The following STK32B variants were observed in gnomAD, a reference collection of about 807,000 sequenced individuals.
STK32B encodes the protein serine/threonine kinase 32B, also known as serine/threonine-protein kinase 32B.
In STK32B, 43 loss-of-function variants were observed where a neutral mutation model predicts 52.6. That is an observed-to-expected ratio of 0.82 (90% CI 0.64 to 1.05). The LOEUF (loss-of-function observed/expected upper bound fraction) is 1.05, where lower values mean the gene tolerates loss of function less well. Among genes scored for constraint, STK32B ranks in the 50% least tolerant of loss-of-function variants. The pLI is 0.00. For synonymous variants in STK32B, 238 were observed against 204.3 expected (o/e 1.17, Z -1.41); for missense variants, 621 against 534.6 (o/e 1.16, Z -1.59).
intron 7 of STK32B, among the ~76,000 whole-genome samples, chr4:5,456,475 G>A (rs905240855): frequency 2.0e-5 from 3 of 152,318 alleles, no homozygotes; most frequent in Middle Eastern, 3.4e-3. Flanking sequence ...GAGTCAGCCC[G>A]CAAGCCTGTG....
rs2108985587 is a variant in STK32B, at chr4:5,351,337, A to C, written c.434+19944A>C. Among the ~76,000 whole-genome samples the C allele has an allele frequency of 1.3e-5, 2 of 152,240 alleles. 1 individual carries two copies. Among genetic ancestry groups the C allele is most frequent in the African/African-American group, 4.8e-5 (2 of 41,576 alleles). ...TTTGGAAACTATACAAATGCATGGAAATTAAACAACATGCCCCTGAATAAC... is the reference window on the plus strand; with the variant it reads ...TTTGGAAACTATACAAATGCATGGACATTAAACAACATGCCCCTGAATAAC... On this transcript the variant is annotated intron_variant, in intron 4 of 11. Coordinates refer to ENST00000282908, the MANE Select transcript of STK32B (RefSeq NM_018401.3).
At chr4:5,258,357 T>C (rs1232397146) in intron 3 of STK32B, among the ~76,000 whole-genome samples, 14 of 152,150 alleles carry the variant, frequency 9.2e-5, no homozygotes, top group Non-Finnish European at 1.9e-4. Flanking sequence ...AATTATGAGA[T>C]TGAATGTCTG....
intron 3 of STK32B, among the ~76,000 whole-genome samples, chr4:5,262,543 TG>T (rs2108846459): frequency 6.8e-6 from 1 of 148,058 alleles, no homozygotes; most frequent in East Asian, 2.0e-4. Flanking sequence ...GAGAATGGCG[TG>T]AACCTGGGAG....
At chr4:5,339,313 T>C (rs1038390946) in intron 4 of STK32B, among the ~76,000 whole-genome samples, 1 of 152,206 alleles carries the variant, frequency 6.6e-6, no homozygotes, top group Non-Finnish European at 1.5e-5. Flanking sequence ...TATATTCTAT[T>C]TCTTTTGTTT....
rs77589836 is a variant in STK32B, at chr4:5,240,632, G to A, written c.260+72182G>A. Among the ~76,000 whole-genome samples, 1,486 of 152,104 alleles carry A rather than the reference G, an allele frequency of 9.8e-3. 29 individuals are homozygous for A. The highest frequency in any genetic ancestry group is 0.028 in the African/African-American group (1,150 of 41,478). ...GTACCACCGCACCCAGCTAATTTTT[G>A]TATTTTTAGGAGAGATGTGGTTTCA... is the stretch of plus-strand genomic sequence containing the variant. On this transcript the variant is annotated intron_variant, in intron 3 of 11. Coordinates refer to ENST00000282908, the MANE Select transcript of STK32B (RefSeq NM_018401.3).
At chr4:5,422,545 G>A (rs1712733056) in intron 6 of STK32B, among the ~76,000 whole-genome samples, 1 of 152,220 alleles carries the variant, frequency 6.6e-6, no homozygotes. Flanking sequence ...TCTAAAATGT[G>A]CCAGATTAGA....
At chr4:5,355,263 G>A (rs1259596319) in intron 4 of STK32B, among the ~76,000 whole-genome samples, 3 of 152,120 alleles carry the variant, frequency 2.0e-5, no homozygotes, top group African/African-American at 7.2e-5. Context: ...AATGCCCACT[G>A]CTATTATCGT....
At chr4:5,445,373 C>T (rs1451382229) in intron 6 of STK32B, among the ~76,000 whole-genome samples, 1 of 152,170 alleles carries the variant, frequency 6.6e-6, no homozygotes, top group East Asian at 1.9e-4. Flanking sequence ...CTCCCCGGGG[C>T]AGATTTCGGC....
At chr4:5,488,726 T>C (rs1719432782) in intron 11 of STK32B, among the ~76,000 whole-genome samples, 1 of 152,172 alleles carries the variant, frequency 6.6e-6, no homozygotes, top group Non-Finnish European at 1.5e-5. Context: ...TAGTCTCTTT[T>C]CTTTGCAACC....
intron 3 of STK32B, among the ~76,000 whole-genome samples, chr4:5,231,537 G>C (rs1022395214): frequency 6.6e-6 from 1 of 152,154 alleles, no homozygotes; most frequent in African/African-American, 2.4e-5. Flanking sequence ...ACTTGAACCT[G>C]GGAGGCAGAG....
chr4:5,107,794 A>G (rs1714187226), intron 1 of STK32B, among the ~76,000 whole-genome samples: 1 of 152,180 alleles, frequency 6.6e-6, no homozygotes. Context: ...AGTGTTATCC[A>G]ATGAGTTTTT....
At chr4:5,044,301 G>A in the STK32B span, among the ~76,000 whole-genome samples, 5 of 152,016 alleles carry the variant, frequency 3.3e-5, no homozygotes, top group African/African-American at 1.2e-4. Flanking sequence ...AATATGCTCA[G>A]GACTCCCAAA....
intron 1 of STK32B, among the ~76,000 whole-genome samples, chr4:5,127,355 G>A (rs1715466657): frequency 6.6e-6 from 1 of 152,174 alleles, no homozygotes; most frequent in Admixed American, 6.5e-5. Flanking sequence ...GGCAGCTCTT[G>A]AGTGCAGAGG....
At chr4:5,416,225 C>T (rs567286632) in intron 5 of STK32B, among the ~76,000 whole-genome samples, 5 of 152,198 alleles carry the variant, frequency 3.3e-5, no homozygotes, top group African/African-American at 1.2e-4. Flanking sequence ...CTTTTATCTG[C>T]ACATCACTTA....
At chr4:5,432,022 A>G (rs149433508) in intron 6 of STK32B, among the ~76,000 whole-genome samples, 12 of 152,356 alleles carry the variant, frequency 7.9e-5, no homozygotes, top group African/African-American at 2.9e-4. Flanking sequence ...TTCATTGTCC[A>G]TTCAGTAATA....
chr4:5,177,189 G>A (rs147121508), intron 3 of STK32B, among the ~76,000 whole-genome samples: 1,776 of 152,300 alleles, frequency 0.012, 22 homozygotes, highest in Non-Finnish European at 0.018. Flanking sequence ...TCACAGTTCT[G>A]CGTGGCTGGG....
chr4:5,402,846 G>A (rs1037155308), intron 5 of STK32B, among the ~76,000 whole-genome samples: 1 of 152,184 alleles, frequency 6.6e-6, no homozygotes, highest in African/African-American at 2.4e-5. Flanking sequence ...CTGAGGCCAG[G>A]AGAGTAGTGC....
chr4:5,399,489 G>A lies in STK32B; in HGVS notation c.472+1245G>A, dbSNP rs1385819870. Among the ~76,000 whole-genome samples the A allele has an allele frequency of 6.6e-6, 1 of 152,144 alleles. No homozygotes were observed. The highest frequency in any genetic ancestry group is 2.4e-5 in the African/African-American group (1 of 41,422). ...GCTGGAACCAGACTAAGTGCTTTGG[G>A]GGCAGTAGGATTGAACTCACTGTGC... On this transcript the variant is annotated intron_variant, in intron 5 of 11. Coordinates refer to ENST00000282908, the MANE Select transcript of STK32B (RefSeq NM_018401.3). The surrounding 1 kb of genome is among the most constrained non-coding windows in gnomAD (Gnocchi z 5.4).
At chr4:5,444,691 C>T (rs1324100185) in intron 6 of STK32B, among the ~76,000 whole-genome samples, 1 of 152,218 alleles carries the variant, frequency 6.6e-6, no homozygotes, top group East Asian at 1.9e-4. Context: ...TCATGGAGCA[C>T]TCACTACGGG....
Sources: gnomAD v4.1 joint callset for allele counts (sites outside exome capture counted in the v4.1 genomes callset) on GRCh38, gnomAD v4.1.1 for gene constraint, Gnocchi (gnomAD v3.1) non-coding constraint, MANE v1.5 for transcripts, NCBI Gene and HGNC (gene_info 2026-07-23, HGNC 2026-07-21) for gene names.